The following ADAMTS14 variants were observed in gnomAD, a reference collection of about 807,000 sequenced individuals.
The protein encoded by ADAMTS14 is A disintegrin and metalloproteinase with thrombospondin motifs 14.
Under a neutral mutation model 128.6 loss-of-function variants are expected in ADAMTS14, and 100 were observed. The observed-to-expected ratio is 0.78, with a 90% CI of 0.66 to 0.92. The LOEUF (loss-of-function observed/expected upper bound fraction) is 0.92. Ranked by LOEUF, ADAMTS14 falls within the 40% of genes least tolerant of loss-of-function variation. The pLI is 0.00. For missense variants in ADAMTS14, 1,562 were observed against 1,658.6 expected (o/e 0.94, Z 1.01); for synonymous variants, 665 against 653.8 (o/e 1.02, Z -0.26).
In ADAMTS14 at chr10:70,745,215, G is replaced by A; in HGVS notation, c.2183-11G>A. 1 of 1,609,920 alleles carries A rather than the reference G, an allele frequency of 6.2e-7. No individual in the cohort carries two copies. The highest frequency in any genetic ancestry group is 8.5e-7 in the Non-Finnish European group (1 of 1,178,582). Reference sequence around the variant, plus strand: ...GGATGCTCACGACTTCTGGATCCCTGTGTGTGGCAGGAGCTCTCAAGCTGG... The same window carrying A: ...GGATGCTCACGACTTCTGGATCCCTATGTGTGGCAGGAGCTCTCAAGCTGG... On this transcript the variant is annotated splice_polypyrimidine_tract_variant and intron_variant, in intron 14 of 21. Transcript: ENST00000373207.
intron 12 of ADAMTS14, among the ~76,000 whole-genome samples, 168 bp downstream of exon 12, chr10:70,741,330 G>A (rs1232991225): frequency 1.3e-5 from 2 of 152,234 alleles, no homozygotes; most frequent in Non-Finnish European, 2.9e-5. Flanking sequence ...CCCTTTTGTA[G>A]GCCTGTTCTT....
chr10:70,733,143 TG>T (rs1351565546), intron 7 of ADAMTS14, among the ~76,000 whole-genome samples: 1 of 152,170 alleles, frequency 6.6e-6, no homozygotes, highest in Non-Finnish European at 1.5e-5. Context: ...ACCTGCAACA[TG>T]GGGCTGACAC....
intron 4 of ADAMTS14, among the ~76,000 whole-genome samples, chr10:70,719,490 C>T (rs1049160051): frequency 1.3e-5 from 2 of 152,070 alleles, no homozygotes; most frequent in Admixed American, 6.6e-5. Flanking sequence ...TAGCCTCGAC[C>T]TCCTGGGCTC....
At chr10:70,683,143 C>A (rs1839864063) in intron 2 of ADAMTS14, among the ~76,000 whole-genome samples, 3 of 152,240 alleles carry the variant, frequency 2.0e-5, no homozygotes, top group Admixed American at 2.0e-4. Context: ...GCCTCAGACC[C>A]CCCTGCATGT....
At chr10:70,700,657 G>A (rs949755815) in intron 2 of ADAMTS14, among the ~76,000 whole-genome samples, 1 of 152,158 alleles carries the variant, frequency 6.6e-6, no homozygotes, top group African/African-American at 2.4e-5. Flanking sequence ...AGGCCAGGGG[G>A]TTTGAGTTGA....
At chr10:70,708,337 A>G (rs1231707570) in intron 3 of ADAMTS14, among the ~76,000 whole-genome samples, 1 of 152,068 alleles carries the variant, frequency 6.6e-6, no homozygotes, top group Non-Finnish European at 1.5e-5. Flanking sequence ...CCCGGAACCC[A>G]GGCTTTCTGC....
intron 4 of ADAMTS14, among the ~76,000 whole-genome samples, chr10:70,725,046 G>A (rs1841384866): frequency 6.6e-6 from 1 of 151,420 alleles, no homozygotes; most frequent in African/African-American, 2.4e-5. Flanking sequence ...CTTAAAAGAT[G>A]GTTTTGTGAG....
chr10:70,735,094 C>A, intron 8 of ADAMTS14, 75 bp from the exon 9 acceptor site: 2 of 1,547,164 alleles, frequency 1.3e-6, no homozygotes, highest in South Asian at 2.5e-5. Flanking sequence ...CTCATGAAAA[C>A]CCCAGCCCCT....
intron 2 of ADAMTS14, among the ~76,000 whole-genome samples, chr10:70,687,949 G>T (rs1439613568): frequency 1.4e-5 from 1 of 70,842 alleles, no homozygotes; most frequent in African/African-American, 5.6e-5. Context: ...GGGGCGGCTG[G>T]CCGGGCGGGG....
Position 70,760,573 on chromosome 10 carries a change from C to T in ADAMTS14, c.3392C>T (p.Ala1131Val), listed in dbSNP as rs1212996063. ...GGACCCCAGGACCCTGCAGATGCTG[C>T]AGAGCCTCCTGGAAAGCCAACGGGA... ...LPGPQDPADA[A>V]EPPGKPTGSE... is the part of the protein sequence containing the mutation. The change falls in exon 22 of 22, where the codon GCA becomes GTA. Residue 1131 changes from alanine to valine, a missense_variant. By Grantham distance (64) the Ala-to-Val change is moderately conservative. Transcript: ENST00000373207. 1.9e-6 allele frequency: 3 copies of T among 1,613,560 alleles called. No homozygotes were observed. The highest frequency in any genetic ancestry group is 2.2e-5 in the South Asian group (2 of 90,986).
At chr10:70,729,469 G>A (rs1841559198) in intron 5 of ADAMTS14, 92 bp downstream of exon 5, 8 of 1,072,222 alleles carry the variant, frequency 7.5e-6, no homozygotes, top group Non-Finnish European at 1.1e-5. Flanking sequence ...GCAGGGGTAA[G>A]CATCCAGGAA....
chr10:70,725,525 G>A (rs992314636), intron 4 of ADAMTS14, among the ~76,000 whole-genome samples: 10 of 152,150 alleles, frequency 6.6e-5, no homozygotes, highest in East Asian at 5.8e-4. Context: ...GTGAGAGCCC[G>A]CCCACTTTCT....
intron 21 of ADAMTS14, 105 bp downstream of exon 21, chr10:70,758,390 T>C (rs1842531255): frequency 9.9e-7 from 1 of 1,007,106 alleles, no homozygotes; most frequent in Admixed American, 2.7e-5. Context: ...TAGCTGTCTG[T>C]GTGACCTTCA....
intron 19 of ADAMTS14, among the ~76,000 whole-genome samples, chr10:70,757,727 C>A (rs1842508446): frequency 6.6e-6 from 1 of 152,186 alleles, no homozygotes; most frequent in Non-Finnish European, 1.5e-5. Context: ...AGGCTCAGGG[C>A]AATGGCTCTT....
At chr10:70,687,875 A>C (rs1412194923) in intron 2 of ADAMTS14, among the ~76,000 whole-genome samples, 1 of 62,068 alleles carries the variant, frequency 1.6e-5, no homozygotes, top group Non-Finnish European at 3.2e-5. Flanking sequence ...TGACCCCCCC[A>C]CCTCCCTCCT....
intron 4 of ADAMTS14, among the ~76,000 whole-genome samples, chr10:70,721,054 T>C (rs1284044255): frequency 6.7e-6 from 1 of 148,470 alleles, no homozygotes. Context: ...AGATGGACTC[T>C]TGCTCTGTCA....
chr10:70,736,263 G>A (rs1211012402), intron 9 of ADAMTS14, among the ~76,000 whole-genome samples: 1 of 50,720 alleles, frequency 2.0e-5, no homozygotes, highest in African/African-American at 5.3e-5. Context: ...CCTCGTTGGA[G>A]TGCTGGGGTG....
intron 6 of ADAMTS14, among the ~76,000 whole-genome samples, chr10:70,730,593 G>T (rs904860214): frequency 1.1e-4 from 17 of 152,194 alleles, no homozygotes; most frequent in Non-Finnish European, 2.4e-4. Flanking sequence ...CCTCATTGCA[G>T]ACTGTGGGAC....
At chr10:70,722,373 G>A (rs895378175) in intron 4 of ADAMTS14, among the ~76,000 whole-genome samples, 2 of 152,152 alleles carry the variant, frequency 1.3e-5, no homozygotes, top group African/African-American at 4.8e-5. Flanking sequence ...AAGCAATGTT[G>A]CCCACATCTG....
Sources: gnomAD v4.1 joint callset for allele counts (sites outside exome capture counted in the v4.1 genomes callset) on GRCh38, gnomAD v4.1.1 for gene constraint, MANE v1.5 for transcripts, NCBI Gene and HGNC (gene_info 2026-07-23, HGNC 2026-07-21) for gene names.